The following ARMC5 variants were observed in gnomAD, a reference collection of about 807,000 sequenced individuals.
ARMC5 encodes the protein armadillo repeat containing 5, also known as armadillo repeat-containing protein 5.
Under a neutral mutation model 60.5 loss-of-function variants are expected in ARMC5, and 28 were observed. That is an observed-to-expected ratio of 0.46 (90% CI 0.34 to 0.63). ARMC5 has a LOEUF of 0.63. Ranked by LOEUF, ARMC5 falls within the 30% of genes least tolerant of loss-of-function variation. ARMC5 has a pLI of 0.01. For synonymous variants in ARMC5, 680 were observed against 607.3 expected (o/e 1.12, Z -1.76); for missense variants, 1,189 against 1,304.9 (o/e 0.91, Z 1.37).
upstream of ARMC5, chr16:31,458,519 A>C: frequency 6.5e-7 from 1 of 1,533,506 alleles, no homozygotes; most frequent in Non-Finnish European, 8.7e-7. Flanking sequence ...TTGTCACCAG[A>C]GGGGCTGCCT....
At chr16:31,459,499 GGGCGGAGTCTGA>G in exon 1 of ARMC5, 1 of 1,588,606 alleles carries the variant, frequency 6.3e-7, no homozygotes, top group South Asian at 1.1e-5. Context: ...GCGAGAAGCG[GGGCGGAGTCTGA>G]GGCCCGAGCC....
Position 31,466,412 on chromosome 16 carries a change from G to C in ARMC5, c.2331G>C (p.Leu777=). The C allele has an allele frequency of 6.2e-7, 1 of 1,612,158 alleles. No individual in the cohort carries two copies. The highest frequency in any genetic ancestry group is 8.5e-7 in the Non-Finnish European group (1 of 1,179,838). The change falls in exon 6 of 6, where the codon CTG becomes CTC. Residue 777 remains leucine, a synonymous_variant. Transcript: ENST00000268314. The surrounding 1 kb of genome is among the most constrained non-coding windows in gnomAD (Gnocchi z 8.0). ...CCGCCTCCCCTTTCTTCCGGGCCCTGCTGTCAGGCAGCTTTGCAGAAGCCC... is the reference window on the plus strand; with the variant it reads ...CCGCCTCCCCTTTCTTCCGGGCCCTCCTGTCAGGCAGCTTTGCAGAAGCCC... ...SATASPFFRA[L]LSGSFAEAQM...
In ARMC5 at chr16:31,462,231, G is replaced by C; in HGVS notation, c.684G>C (p.Gln228His). 6.2e-7 allele frequency: 1 copy of C among 1,610,320 alleles called. No individual in the cohort carries two copies. Among genetic ancestry groups the C allele is most frequent in the Non-Finnish European group, 8.5e-7 (1 of 1,180,014 alleles). Residue 228 changes from glutamine to histidine, a missense_variant, in exon 3 of 6, where the codon CAG becomes CAC. Coordinates refer to ENST00000268314, the MANE Select transcript of ARMC5 (RefSeq NM_001105247.2). This position sits in a 1 kb window ranked among gnomAD's most constrained non-coding sequence, Gnocchi z 7.2. ...TCCGTAACCTGGCAGACTCACCCCAGCACCGCCTGGCCTTGGCACAGCAGG... is the reference window on the plus strand; with the variant it reads ...TCCGTAACCTGGCAGACTCACCCCACCACCGCCTGGCCTTGGCACAGCAGG... ...RALRNLADSP[Q>H]HRLALAQQGA...
chr16:31,462,982 T>C lies in ARMC5; in HGVS notation c.1370+65T>C. 7.0e-7 allele frequency: 1 copy of C among 1,428,910 alleles called. No homozygotes were observed. Among genetic ancestry groups the C allele is most frequent in the Non-Finnish European group, 9.2e-7 (1 of 1,081,544 alleles). 88.5% of individuals were successfully genotyped at this position (1,428,910 alleles called of 1,614,324 possible). On this transcript the variant is annotated intron_variant, in intron 3 of 5. Transcript: ENST00000268314. This position sits in a 1 kb window ranked among gnomAD's most constrained non-coding sequence, Gnocchi z 7.2. ...AGTGATGTGGGGTTTGTGTCTGTCT[T>C]GGTCCTCTTCACTACCTCCACCCCT...
rs1286011660 is a variant in ARMC5 at position 31,465,899 on chromosome 16, G to A, written c.1914G>A (p.Gly638=). 6.2e-7 allele frequency: 1 copy of A among 1,609,372 alleles called. No individual in the cohort carries two copies. Among genetic ancestry groups the A allele is most frequent in the African/African-American group, 1.3e-5 (1 of 75,062 alleles). ...NLTVQAESPF[G]VGALTHLLLS... is the part of the protein sequence containing the mutation. ...CGGTTCAGGCTGAGTCGCCCTTTGG[G>A]GTTGGGGCCCTGACGCACCTGCTGC... The change falls in exon 5 of 6, where the codon GGG becomes GGA. Residue 638 remains glycine, a synonymous_variant. Transcript: ENST00000268314.
chr16:31,458,362 C>G (rs780487949), upstream of ARMC5: 7 of 1,526,822 alleles, frequency 4.6e-6, no homozygotes, highest in South Asian at 4.8e-5. Flanking sequence ...CGCTGAAAGT[C>G]TTACCACACT....
At chr16:31,458,359 A>G (rs1460709962), upstream of ARMC5, 1 of 1,523,150 alleles carries the variant, frequency 6.6e-7, no homozygotes, top group Non-Finnish European at 8.8e-7. Context: ...TGACGCTGAA[A>G]GTCTTACCAC....
chr16:31,459,019 C>T, upstream of ARMC5: 2 of 1,531,612 alleles, frequency 1.3e-6, no homozygotes, highest in Non-Finnish European at 1.7e-6. Flanking sequence ...CGAGGGCTCC[C>T]CGTCTGCGGC....
At position 31,465,401 on chromosome 16, in the gene ARMC5, C is replaced by T. The variant is rs2082347419; in HGVS notation, c.1865-449C>T. The stretch of plus-strand genomic sequence containing the variant: ...GTCTTCTGGTCACACCTCACTATGT[C>T]CCCTCAGCTCCTATCTCTGTATGGC... On this transcript the variant is annotated intron_variant, in intron 4 of 5. Coordinates refer to ENST00000268314, the MANE Select transcript of ARMC5 (RefSeq NM_001105247.2). 5 of 1,198,776 alleles carry T rather than the reference C, an allele frequency of 4.2e-6. No individual in the cohort carries two copies. In the South Asian group the frequency reaches 1.0e-4, roughly 25 times the overall value. The allele number at this position is 1,198,776 out of a possible 1,614,324, so 74.3% of individuals were successfully genotyped here. A position where few individuals can be genotyped will look rare whatever the true frequency, so the allele number is the denominator to read the frequency against.
chr16:31,464,700 G>C lies in ARMC5; in HGVS notation c.1677G>C (p.Pro559=), dbSNP rs762463367. The C allele has an allele frequency of 1.9e-6, 3 of 1,598,514 alleles. No homozygotes were observed. Among genetic ancestry groups the C allele is most frequent in the African/African-American group, 2.7e-5 (2 of 74,866 alleles). ...YGLLTYVTGA[P]GPPSPRALRI... Reference sequence around the variant, plus strand: ...TGCTGACCTATGTGACCGGCGCACCGGGCCCGCCCAGCCCACGTGCACTGC... The same window carrying C: ...TGCTGACCTATGTGACCGGCGCACCCGGCCCGCCCAGCCCACGTGCACTGC... Residue 559 remains proline (P), a synonymous_variant, in exon 4 of 6, where the codon CCG becomes CCC. Transcript: ENST00000268314. The surrounding 1 kb of genome is among the most constrained non-coding windows in gnomAD (Gnocchi z 7.6).
intron 1 of ARMC5, 33 bp downstream of exon 1, chr16:31,460,032 T>A (rs2058741299): frequency 6.3e-7 from 1 of 1,591,710 alleles, no homozygotes; most frequent in Non-Finnish European, 8.5e-7. Flanking sequence ...CTAGAAAGAT[T>A]AGGTTTGCAA....
At position 31,464,259 on chromosome 16, in the gene ARMC5, C is replaced by A; in HGVS notation, c.1371-135C>A. 1 of 752,232 alleles carries A rather than the reference C, an allele frequency of 1.3e-6. No individual in the cohort carries two copies. The highest frequency in any genetic ancestry group is 1.9e-6 in the Non-Finnish European group (1 of 518,228). 46.6% of individuals were successfully genotyped at this position (752,232 alleles called of 1,614,324 possible). A position where few individuals can be genotyped will look rare whatever the true frequency, so the allele number is the denominator to read the frequency against. ...GAGCTAGGATCCCACAACTGCATTC[C>A]AGCCTGGGCTATAGAGGGATACCAC... On this transcript the variant is annotated intron_variant, in intron 3 of 5. Coordinates refer to ENST00000268314, the MANE Select transcript of ARMC5 (RefSeq NM_001105247.2). This position sits in a 1 kb window ranked among gnomAD's most constrained non-coding sequence, Gnocchi z 7.6.
Position 31,466,932 on chromosome 16 carries a change from C to T in ARMC5, c.*43C>T, listed in dbSNP as rs781410248. 4 of 1,470,718 alleles carry T rather than the reference C, an allele frequency of 2.7e-6. No homozygotes were observed. The highest frequency in any genetic ancestry group is 2.7e-6 in the Non-Finnish European group (3 of 1,111,860). 91.1% of individuals were successfully genotyped at this position (1,470,718 alleles called of 1,614,324 possible). On this transcript the variant is annotated 3_prime_UTR_variant, in exon 6 of 6. Transcript: ENST00000268314. This position sits in a 1 kb window ranked among gnomAD's most constrained non-coding sequence, Gnocchi z 8.0. ...GGAAGGGGACCCAAGGATGAATTGG[C>T]TGTGAAGGATCCTCCCTGAGACTGG...
At position 31,465,907 on chromosome 16, in the gene ARMC5, C is replaced by T; in HGVS notation, c.1922C>T (p.Ala641Val). ...GCTGAGTCGCCCTTTGGGGTTGGGG[C>T]CCTGACGCACCTGCTGCTCTCTGGG... ...VQAESPFGVG[A>V]LTHLLLSGSP... Residue 641 changes from alanine (A) to valine (V), a missense_variant, in exon 5 of 6, where the codon GCC (alanine) becomes GTC (valine). Coordinates refer to ENST00000268314, the MANE Select transcript of ARMC5 (RefSeq NM_001105247.2). 1 of 1,608,816 alleles carries T rather than the reference C, an allele frequency of 6.2e-7. No homozygotes were observed. Among genetic ancestry groups the T allele is most frequent in the South Asian group, 1.1e-5 (1 of 91,090 alleles).
intron 1 of ARMC5, 139 bp downstream of exon 1, chr16:31,460,138 C>G (rs1378779668): frequency 4.3e-6 from 4 of 940,608 alleles, no homozygotes; most frequent in Non-Finnish European, 4.8e-6. Context: ...GTTTCTCAAT[C>G]TGTTGTGCCC....
Position 31,459,715 on chromosome 16 carries a change from G to T in ARMC5, c.191G>T (p.Arg64Leu), listed in dbSNP as rs1478220037. The change falls in exon 1 of 6, where the codon CGC becomes CTC. Residue 64 changes from arginine to leucine, a missense_variant. Physicochemically the swap from Arg to Leu is moderately radical, Grantham distance 102 (BLOSUM62 -2). Transcript: ENST00000268314. ...GGGGGAATCGAGCGCTTCCGGGCAC[G>T]CGGCGGGCTCCGCCCCCTACTCGCG... The part of the protein sequence containing the change: ...AAGGIERFRA[R>L]GGLRPLLALL... The T allele has an allele frequency of 1.3e-6, 2 of 1,560,312 alleles. No individual in the cohort carries two copies. The highest frequency in any genetic ancestry group is 1.9e-5 in the Admixed American group (1 of 52,892).
chr16:31,459,005 C>A, upstream of ARMC5: 3 of 1,533,344 alleles, frequency 2.0e-6, no homozygotes, highest in East Asian at 2.4e-5. Flanking sequence ...TTCCTCTGAC[C>A]GAGCGAGGGC....
Position 31,462,786 on chromosome 16 carries a change from G to T in ARMC5, c.1239G>T (p.Val413=). The change falls in exon 3 of 6, where the codon GTG becomes GTT. Residue 413 remains valine, a synonymous_variant. Transcript: ENST00000268314. The surrounding 1 kb of genome is among the most constrained non-coding windows in gnomAD (Gnocchi z 7.2). ...ALGRLQALGL[V]PLLAGQLCGE... is the part of the protein sequence containing the mutation. ...GCCGGCTGCAGGCTCTGGGACTTGT[G>T]CCTCTCCTGGCTGGGCAGCTGTGTG... 1.2e-6 allele frequency: 2 copies of T among 1,613,980 alleles called. No homozygotes were observed. The highest frequency in any genetic ancestry group is 1.7e-6 in the Non-Finnish European group (2 of 1,180,012).
Position 31,464,339 on chromosome 16 carries a change from C to A in ARMC5, c.1371-55C>A. 5.6e-6 allele frequency: 6 copies of A among 1,078,120 alleles called. No individual in the cohort carries two copies. Among genetic ancestry groups the A allele is most frequent in the Non-Finnish European group, 7.8e-6 (6 of 766,272 alleles). 66.8% of individuals were successfully genotyped at this position (1,078,120 alleles called of 1,614,324 possible). ...AAAGACGCCTCACGCCTCTTGGACT[C>A]TGCCCCTTAACCTTGGCTCTGGGTT... On this transcript the variant is annotated intron_variant, in intron 3 of 5. Coordinates refer to ENST00000268314, the MANE Select transcript of ARMC5 (RefSeq NM_001105247.2). The surrounding 1 kb of genome is among the most constrained non-coding windows in gnomAD (Gnocchi z 7.6).
Sources: gnomAD v4.1 joint callset for allele counts on GRCh38, gnomAD v4.1.1 for gene constraint, Gnocchi (gnomAD v3.1) non-coding constraint, MANE v1.5 for transcripts, NCBI Gene and HGNC (gene_info 2026-07-23, HGNC 2026-07-21) for gene names.